EVI5: variants seen among roughly 807,000 people sequenced by gnomAD.
The protein encoded by EVI5 is ecotropic viral integration site 5 protein homolog.
EVI5 carries 73 observed loss-of-function variants against 112.0 expected under a neutral mutation model. The observed-to-expected ratio is 0.65, with a 90% CI of 0.54 to 0.79. The LOEUF is 0.79. Among genes scored for constraint, EVI5 ranks in the 30% least tolerant of loss-of-function variants. EVI5 has a pLI of 0.00. For synonymous variants in EVI5, 305 were observed against 319.9 expected (o/e 0.95, Z 0.50); for missense variants, 900 against 968.8 (o/e 0.93, Z 0.94).
intron 14 of EVI5, among the ~76,000 whole-genome samples, chr1:92,626,302 T>C (rs538472363): frequency 1.3e-5 from 2 of 152,314 alleles, no homozygotes; most frequent in South Asian, 4.1e-4. Flanking sequence ...TGGAATCATA[T>C]GTATTTATAG....
chr1:92,513,700 C>A lies in EVI5; in HGVS notation c.2437G>T (p.Glu813Ter). 1 of 1,607,568 alleles carries A rather than the reference C, an allele frequency of 6.2e-7. No individual in the cohort carries two copies. The highest frequency in any genetic ancestry group is 8.5e-7 in the Non-Finnish European group (1 of 1,176,550). ...GACTCTCTTCTTCTCGGGGGCCGCT[C>A]CTTTTGAACCACTTGGTTGCTCTCT... The part of the protein sequence containing the change: ...TRESNQVVQK[E>*]RPPRRRESYS... The change falls in exon 20 of 20, where the codon GAG becomes TAG. Residue 813 changes from glutamate to a stop codon, truncating the protein, a stop_gained. Transcript: ENST00000684568. LOFTEE classifies it high-confidence loss of function.
chr1:92,733,679 T>C (rs1676865679), intron 2 of EVI5, among the ~76,000 whole-genome samples: 1 of 152,118 alleles, frequency 6.6e-6, no homozygotes, highest in East Asian at 1.9e-4. Context: ...CCCAAAGTAC[T>C]GGGATTACAG....
intron 2 of EVI5, among the ~76,000 whole-genome samples, chr1:92,730,852 T>C (rs921149776): frequency 3.9e-5 from 6 of 152,062 alleles, no homozygotes; most frequent in African/African-American, 1.4e-4. Flanking sequence ...TTAGTAGCAA[T>C]GGTCAAGAAA....
At chr1:92,614,744 C>T (rs972186479) in intron 16 of EVI5, among the ~76,000 whole-genome samples, 6 of 148,512 alleles carry the variant, frequency 4.0e-5, no homozygotes, top group African/African-American at 1.5e-4. Context: ...ATCTTGCGAT[C>T]GTGTAAGTTA....
intron 1 of EVI5, among the ~76,000 whole-genome samples, chr1:92,757,463 A>G (rs1350882373): frequency 6.6e-6 from 1 of 152,084 alleles, no homozygotes; most frequent in African/African-American, 2.4e-5. Context: ...GAGTAAGTTT[A>G]AAGTCATGAA....
chr1:92,553,119 T>A (rs756658652), intron 19 of EVI5, among the ~76,000 whole-genome samples: 1 of 151,872 alleles, frequency 6.6e-6, no homozygotes, highest in African/African-American at 2.4e-5. Flanking sequence ...AGGTATCCTG[T>A]GTGGGATTAT....
intron 18 of EVI5, among the ~76,000 whole-genome samples, chr1:92,566,260 G>A (rs1456846290): frequency 6.6e-6 from 1 of 152,138 alleles, no homozygotes; most frequent in Non-Finnish European, 1.5e-5. Context: ...CCCAACTACA[G>A]CTTCTATAGA....
intron 2 of EVI5, among the ~76,000 whole-genome samples, chr1:92,707,999 G>A (rs1047109285): frequency 6.6e-6 from 1 of 152,088 alleles, no homozygotes; most frequent in Admixed American, 6.6e-5. Flanking sequence ...AGGTGCAAAA[G>A]AGTACATACG....
intron 9 of EVI5, among the ~76,000 whole-genome samples, chr1:92,682,330 C>T (rs1667729538): frequency 6.6e-6 from 1 of 152,180 alleles, no homozygotes; most frequent in Non-Finnish European, 1.5e-5. Context: ...TGTCCTTTAT[C>T]TGGCTTTGTT....
At chr1:92,634,751 C>T (rs1029111286) in intron 14 of EVI5, among the ~76,000 whole-genome samples, 5 of 152,186 alleles carry the variant, frequency 3.3e-5, no homozygotes, top group African/African-American at 1.2e-4. Flanking sequence ...GGAGAAGAGG[C>T]ACTCTGCTTT....
At chr1:92,728,439 G>A (rs902336695) in intron 2 of EVI5, among the ~76,000 whole-genome samples, 1 of 151,622 alleles carries the variant, frequency 6.6e-6, no homozygotes, top group Admixed American at 6.6e-5. Flanking sequence ...AGAGTGCAGA[G>A]TACAGAGGCG....
At chr1:92,791,159 A>G (rs541540858) in intron 1 of EVI5, among the ~76,000 whole-genome samples, 52 of 152,352 alleles carry the variant, frequency 3.4e-4, no homozygotes, top group African/African-American at 1.2e-3. Context: ...AAAAGGAGAA[A>G]TTCATTCATT....
chr1:92,514,479 T>C (rs1659564916), intron 19 of EVI5, among the ~76,000 whole-genome samples: 1 of 152,054 alleles, frequency 6.6e-6, no homozygotes, highest in Non-Finnish European at 1.5e-5. Flanking sequence ...AATTGAATAA[T>C]AACAACCGTC....
chr1:92,570,917 CAG>C (rs916209578), intron 18 of EVI5, among the ~76,000 whole-genome samples: 2 of 151,946 alleles, frequency 1.3e-5, no homozygotes, highest in African/African-American at 4.8e-5. Context: ...ATGGATAAAA[CAG>C]GGAAGCTAAG....
chr1:92,750,238 TAG>T (rs2102917678), intron 1 of EVI5, among the ~76,000 whole-genome samples: 1 of 152,118 alleles, frequency 6.6e-6, no homozygotes, highest in South Asian at 2.1e-4. Flanking sequence ...GACAGAGGGA[TAG>T]AGAATTAAAC....
intron 18 of EVI5, among the ~76,000 whole-genome samples, chr1:92,569,403 TA>T (rs1669966567): frequency 6.6e-6 from 1 of 152,190 alleles, no homozygotes; most frequent in Admixed American, 6.5e-5. Context: ...TCTGATAATT[TA>T]AATGGGAACT....
intron 17 of EVI5, among the ~76,000 whole-genome samples, chr1:92,606,053 GAT>G (rs1171951098): frequency 6.6e-6 from 1 of 152,158 alleles, no homozygotes; most frequent in Non-Finnish European, 1.5e-5. Context: ...CATCACGAAA[GAT>G]TGAATAAATT....
At chr1:92,723,459 C>G (rs1675064870) in intron 2 of EVI5, among the ~76,000 whole-genome samples, 1 of 152,146 alleles carries the variant, frequency 6.6e-6, no homozygotes, top group African/African-American at 2.4e-5. Context: ...TTTCTTACAC[C>G]TGTCTTTACT....
At chr1:92,597,605 T>C (rs1311180304) in intron 18 of EVI5, among the ~76,000 whole-genome samples, 6 of 152,214 alleles carry the variant, frequency 3.9e-5, no homozygotes, top group African/African-American at 9.7e-5. Flanking sequence ...TGTGTGAATA[T>C]AGTGACAACT....
Sources: gnomAD v4.1 joint callset for allele counts (sites outside exome capture counted in the v4.1 genomes callset) on GRCh38, gnomAD v4.1.1 for gene constraint, MANE v1.5 for transcripts, NCBI Gene and HGNC (gene_info 2026-07-23, HGNC 2026-07-21) for gene names.